The following INTS6 variants were observed in gnomAD, a reference collection of about 807,000 sequenced individuals.
INTS6 encodes integrator complex subunit 6, also known as DEAD box protein.
Under a neutral mutation model 104.9 loss-of-function variants are expected in INTS6, and 16 were observed. The observed-to-expected ratio is 0.15, with a 90% CI of 0.10 to 0.23. The LOEUF (loss-of-function observed/expected upper bound fraction) is 0.23, where lower values mean the gene tolerates loss of function less well. Ranked by LOEUF, INTS6 falls within the 10% of genes least tolerant of loss-of-function variation. The pLI is 1.00. For synonymous variants in INTS6, 324 were observed against 358.7 expected, an observed-to-expected ratio of 0.90 and a Z score of 1.09; for missense variants, 584 against 1,062.8, an observed-to-expected ratio of 0.55 and a Z score of 6.26.
chr13:51,399,278 T>C (rs1956393080), intron 4 of INTS6, among the ~76,000 whole-genome samples: 2 of 152,154 alleles, frequency 1.3e-5, no homozygotes, highest in South Asian at 2.1e-4. Context: ...ATGGTCATAG[T>C]TCACTGCACC....
chr13:51,413,924 T>G (rs1289377906), intron 4 of INTS6, among the ~76,000 whole-genome samples: 1 of 152,152 alleles, frequency 6.6e-6, no homozygotes, highest in Non-Finnish European at 1.5e-5. Context: ...TAACTGCCCG[T>G]CCACATCTAG....
In INTS6 at chr13:51,361,651, CTCTT is replaced by C. The variant is rs1955579229; in HGVS notation, c.*4097_*4100del. 1.6e-6 allele frequency: 1 copy of C among 643,582 alleles called. No homozygotes were observed. Among genetic ancestry groups the C allele is most frequent in the Admixed American group, 3.3e-5 (1 of 30,492 alleles). The allele number at this position is 643,582 out of a possible 1,614,324, so 39.9% of individuals were successfully genotyped here. A position where few individuals can be genotyped will look rare whatever the true frequency, so the allele number is the denominator to read the frequency against. On this transcript the variant is annotated 3_prime_UTR_variant, in exon 18 of 18. Coordinates refer to ENST00000311234, the MANE Select transcript of INTS6 (RefSeq NM_012141.3). ...CAGGATTGGCTAAATGGCATCTTTTCTCTTTAATTTTCCCATCTGCACCCCCATC... is the reference window on the plus strand; with the variant it reads ...CAGGATTGGCTAAATGGCATCTTTTCTAATTTTCCCATCTGCACCCCCATC...
chr13:51,344,266 G>A, the INTS6 span: 1 of 1,613,846 alleles, frequency 6.2e-7, no homozygotes, highest in South Asian at 1.1e-5. Context: ...AAGGGTGAAA[G>A]ATTTCTTGCA....
At chr13:51,408,010 C>T (rs572752221) in intron 4 of INTS6, among the ~76,000 whole-genome samples, 22 of 140,544 alleles carry the variant, frequency 1.6e-4, no homozygotes, top group Admixed American at 1.0e-3. Flanking sequence ...GAGTGAGACT[C>T]GGTCTCAAAA....
intron 11 of INTS6, 136 bp from the exon 12 acceptor site, chr13:51,378,590 T>C: frequency 2.3e-6 from 1 of 431,740 alleles, no homozygotes; most frequent in Non-Finnish European, 3.9e-6. Context: ...TAGCATAGTT[T>C]ATGTCAAGTA....
chr13:51,361,841 T>G lies in INTS6; in HGVS notation c.*3911A>C, dbSNP rs1425146465. 1 of 1,610,722 alleles carries G rather than the reference T, an allele frequency of 6.2e-7. No homozygotes were observed. Among genetic ancestry groups the G allele is most frequent in the East Asian group, 2.2e-5 (1 of 44,786 alleles). On this transcript the variant is annotated 3_prime_UTR_variant, in exon 18 of 18. Coordinates refer to ENST00000311234, the MANE Select transcript of INTS6 (RefSeq NM_012141.3). ...TGTTATTGAAAAGGTCTCGGATTCC[T>G]ATTTTTAAAGCAGATCGGCCATTCA...
intron 7 of INTS6, chr13:51,384,436 AT>A (rs1416780418): frequency 3.7e-6 from 1 of 267,898 alleles, no homozygotes; most frequent in African/African-American, 2.3e-5. Flanking sequence ...TGAGGAAATA[AT>A]TTTAAATGTC....
chr13:51,366,759 A>G (rs1317377510), intron 17 of INTS6, among the ~76,000 whole-genome samples: 3 of 151,936 alleles, frequency 2.0e-5, no homozygotes, highest in Admixed American at 6.6e-5. Flanking sequence ...AAAGTACAAA[A>G]AGAAAAGAAA....
chr13:51,393,590 T>C lies in INTS6; in HGVS notation c.613+1710A>G, dbSNP rs544233278. ...TGACATTTGAGCGGCTTACTCTTAT[T>C]GCTAGTAAGAGCATGAAAAGGGGCA... On this transcript the variant is annotated intron_variant, in intron 5 of 17. Coordinates refer to ENST00000311234, the MANE Select transcript of INTS6 (RefSeq NM_012141.3). 6.6e-5 allele frequency among the ~76,000 whole-genome samples: 10 copies of C among 152,306 alleles called. No homozygotes were observed. The South Asian group carries it at 1.7e-3, about 25-fold the overall frequency.
chr13:51,389,253 T>C (rs1566218093), intron 6 of INTS6, 66 bp downstream of exon 6: 1 of 1,546,420 alleles, frequency 6.5e-7, no homozygotes, highest in Non-Finnish European at 8.7e-7. Context: ...CACAGTAAGT[T>C]TTCAGTTCTA....
intron 12 of INTS6, 31 bp downstream of exon 12, chr13:51,378,208 A>C: frequency 6.8e-7 from 1 of 1,467,514 alleles, no homozygotes; most frequent in Non-Finnish European, 9.5e-7. Flanking sequence ...ACAGAACATA[A>C]CTAGAGTAGC....
At chr13:51,384,744 C>T in intron 7 of INTS6, 1 of 455,746 alleles carries the variant, frequency 2.2e-6, no homozygotes, top group South Asian at 1.6e-5. Flanking sequence ...AGGCACTTAC[C>T]AGAACACATA....
chr13:51,452,695 G>A lies in INTS6; in HGVS notation c.-170C>T. ...GCTGCGGGGAGTTTCTCCCCCGATA[G>A]TTGAGAGGAAACTCCCCAGACCCAG... On this transcript the variant is annotated 5_prime_UTR_variant, in exon 1 of 18. Coordinates refer to ENST00000311234, the MANE Select transcript of INTS6 (RefSeq NM_012141.3). The surrounding 1 kb of genome is among the most constrained non-coding windows in gnomAD (Gnocchi z 4.2). The A allele has an allele frequency of 7.3e-7, 1 of 1,378,912 alleles. No homozygotes were observed. 85.4% of individuals were successfully genotyped at this position (1,378,912 alleles called of 1,614,324 possible).
rs1955590386 is a variant in INTS6 at position 51,362,123 on chromosome 13, T to C, written c.*3629A>G. On this transcript the variant is annotated 3_prime_UTR_variant, in exon 18 of 18. Transcript: ENST00000311234. ...TACCTTCTCATTCTCTCAGCTCATA[T>C]ATAGTTAATGTAGATTTTTTTTTTT... 1.4e-6 allele frequency: 2 copies of C among 1,388,420 alleles called. No homozygotes were observed. The highest frequency in any genetic ancestry group is 1.7e-5 in the South Asian group (1 of 60,570). The allele number at this position is 1,388,420 out of a possible 1,614,324, so 86.0% of individuals were successfully genotyped here.
intron 3 of INTS6, among the ~76,000 whole-genome samples, chr13:51,434,703 T>C (rs1957155561): frequency 6.6e-6 from 1 of 152,138 alleles, no homozygotes; most frequent in Non-Finnish European, 1.5e-5. Context: ...TCTACATCAC[T>C]AGCAGAAAGT....
In INTS6 at chr13:51,395,494, G is replaced by T. The variant is rs1956317887; in HGVS notation, c.430-11C>A. On this transcript the variant is annotated splice_polypyrimidine_tract_variant and intron_variant, in intron 4 of 17. Transcript: ENST00000311234. ...AAGAGGTAAATGAAGCTGAAAGTAG[G>T]GGGGAAAAACAGTAATAAGAATTCC... 1.2e-6 allele frequency: 2 copies of T among 1,602,516 alleles called. No homozygotes were observed. Among genetic ancestry groups the T allele is most frequent in the South Asian group, 1.1e-5 (1 of 89,068 alleles).
Position 51,389,302 on chromosome 13 carries a change from G to C in INTS6, c.739+17C>G. On this transcript the variant is annotated intron_variant, in intron 6 of 17. Transcript: ENST00000311234. ...TAAAGCAAGTTTTGAATGTCTAAAA[G>C]AAAAGTGCAATAATACCTTCTACAG... 6.2e-7 allele frequency: 1 copy of C among 1,601,848 alleles called. No individual in the cohort carries two copies. Among genetic ancestry groups the C allele is most frequent in the Non-Finnish European group, 8.5e-7 (1 of 1,176,672 alleles).
intron 5 of INTS6, among the ~76,000 whole-genome samples, chr13:51,393,074 ATTTTTTT>A (rs368682215): frequency 7.2e-6 from 1 of 139,434 alleles, no homozygotes; most frequent in Non-Finnish European, 1.6e-5. Context: ...AAACAACTAA[ATTTTTTT>A]TTTTTTTTTT....
At chr13:51,341,400 C>T in the INTS6 span, 2 of 1,476,802 alleles carry the variant, frequency 1.4e-6, no homozygotes, top group South Asian at 1.3e-5. Context: ...CACACTCACA[C>T]TCTCTCCAGC....
Sources: gnomAD v4.1 joint callset for allele counts (sites outside exome capture counted in the v4.1 genomes callset) on GRCh38, gnomAD v4.1.1 for gene constraint, Gnocchi (gnomAD v3.1) non-coding constraint, MANE v1.5 for transcripts, NCBI Gene and HGNC (gene_info 2026-07-23, HGNC 2026-07-21) for gene names.